Variants in NVL observed in about 807,000 individuals in gnomAD.
The protein encoded by NVL is nuclear VCP like.
Under a neutral mutation model 110.2 loss-of-function variants are expected in NVL, and 84 were observed. That is an observed-to-expected ratio of 0.76 (90% CI 0.64 to 0.91). The LOEUF is 0.91. Ranked by LOEUF, NVL falls within the 40% of genes least tolerant of loss-of-function variation. The probability of loss-of-function intolerance (pLI) is 0.00; values close to 1 mark genes in which losing one functional copy is unlikely to be tolerated. For synonymous variants in NVL, 354 were observed against 361.1 expected (o/e 0.98, Z 0.22); for missense variants, 882 against 1,035.9 (o/e 0.85, Z 2.04).
At chr1:224,267,758 AG>A (rs1352312953) in intron 18 of NVL, among the ~76,000 whole-genome samples, 2 of 151,990 alleles carry the variant, frequency 1.3e-5, no homozygotes, top group African/African-American at 2.4e-5. Flanking sequence ...GCACCGACAC[AG>A]AAAAGCAATC....
chr1:224,242,028 G>A (rs1000700606), intron 19 of NVL, among the ~76,000 whole-genome samples: 2 of 150,314 alleles, frequency 1.3e-5, no homozygotes, highest in South Asian at 2.1e-4. Context: ...CCAAAACTCC[G>A]TCTCAAAAAA....
intron 19 of NVL, among the ~76,000 whole-genome samples, chr1:224,248,780 G>C (rs1421039883): frequency 6.6e-6 from 1 of 152,172 alleles, no homozygotes; most frequent in Admixed American, 6.6e-5. Context: ...TTCCAAGCTG[G>C]AGACAAGCAG....
chr1:224,322,347 G>C (rs1670735017), intron 2 of NVL, among the ~76,000 whole-genome samples: 1 of 150,440 alleles, frequency 6.6e-6, no homozygotes, highest in Admixed American at 6.7e-5. Context: ...GCCTCTCTAA[G>C]TGCTGAAATT....
At chr1:224,299,628 C>T (rs987335205) in intron 10 of NVL, among the ~76,000 whole-genome samples, 1 of 152,198 alleles carries the variant, frequency 6.6e-6, no homozygotes, top group African/African-American at 2.4e-5. Flanking sequence ...AAATTTACTA[C>T]TTGTCTCTGG....
intron 17 of NVL, among the ~76,000 whole-genome samples, chr1:224,273,431 G>A (rs1053089595): frequency 1.9e-4 from 28 of 149,948 alleles, no homozygotes; most frequent in African/African-American, 6.2e-4. Context: ...AAAAAAAAAA[G>A]AAATGTACGG....
intron 15 of NVL, 129 bp from the exon 16 acceptor site, chr1:224,281,314 A>T (rs369996772): frequency 3.4e-4 from 143 of 426,816 alleles, no homozygotes; most frequent in Middle Eastern, 6.3e-4. Flanking sequence ...TGTGTGTGTG[A>T]GATTTAGATG....
intron 17 of NVL, among the ~76,000 whole-genome samples, chr1:224,273,865 T>C (rs1665449941): frequency 6.6e-6 from 1 of 152,156 alleles, no homozygotes; most frequent in Non-Finnish European, 1.5e-5. Flanking sequence ...GTAGTAAGAA[T>C]CTTCTATGAT....
rs150989288 is a variant in NVL at position 224,288,268 on chromosome 1, C to T, written c.1576-275G>A. 3.0e-3 allele frequency among the ~76,000 whole-genome samples: 461 copies of T among 152,168 alleles called. 4 individuals carry two copies. Among genetic ancestry groups the T allele is most frequent in the East Asian group, 0.013 (69 of 5,182 alleles). On this transcript the variant is annotated intron_variant, in intron 13 of 22. Transcript: ENST00000281701. ...TAGGGCTAGGTATAGCAAATATAAG[C>T]GTTGGCAAATATTCATTTCAGCAAC...
At chr1:224,267,096 C>T (rs1664568631) in intron 18 of NVL, among the ~76,000 whole-genome samples, 1 of 152,166 alleles carries the variant, frequency 6.6e-6, no homozygotes, top group South Asian at 2.1e-4. Flanking sequence ...AGTGGCCCCA[C>T]AGATAGCTTC....
chr1:224,317,957 C>G, intron 2 of NVL, 27 bp from the exon 3 acceptor site: 1 of 1,482,386 alleles, frequency 6.7e-7, no homozygotes, highest in South Asian at 1.2e-5. Context: ...AGAAGTTTAC[C>G]ATAGTAGTCT....
chr1:224,319,377 G>A (rs1252553893), intron 2 of NVL, among the ~76,000 whole-genome samples: 1 of 151,244 alleles, frequency 6.6e-6, no homozygotes, highest in Non-Finnish European at 1.5e-5. Flanking sequence ...GTGCAATCTC[G>A]GCTCACTGCA....
chr1:224,305,104 T>G lies in NVL; in HGVS notation c.678A>C (p.Lys226Asn), dbSNP rs376072933. 9.9e-6 allele frequency: 16 copies of G among 1,613,742 alleles called. No individual in the cohort carries two copies. Among genetic ancestry groups the G allele is most frequent in the African/African-American group, 1.3e-5 (1 of 74,940 alleles). The change falls in exon 7 of 23, where the codon AAA (lysine) becomes AAC (asparagine). Residue 226 changes from lysine to asparagine, a missense_variant. Lys to Asn is a moderately conservative substitution (Grantham distance 94, BLOSUM62 0). Around this residue, in one of 4 missense-constraint regions of NVL, gnomAD observed 274 missense variants for 268.4 expected, o/e 1.02. Transcript: ENST00000281701. ...GATCTTCTTTCTTCCTTTTGCTTCCTTTATTCTTTAGCTTGCCTTTCCGTT... is the reference window on the plus strand; with the variant it reads ...GATCTTCTTTCTTCCTTTTGCTTCCGTTATTCTTTAGCTTGCCTTTCCGTT... ...DMKRKGKLKN[K>N]GSKRKKEDLQ...
At chr1:224,257,506 TTTTGTTTGTCTGTTTG>T (rs755565812) in intron 18 of NVL, among the ~76,000 whole-genome samples, 5 of 39,820 alleles carry the variant, frequency 1.3e-4, no homozygotes, top group Non-Finnish European at 5.2e-4. Context: ...ACAAGTGGTT[TTTTGTTTGTCTGTTTG>T]TTTGTTTGTT....
At chr1:224,251,926 C>A (rs1044248602) in intron 18 of NVL, among the ~76,000 whole-genome samples, 1 of 152,164 alleles carries the variant, frequency 6.6e-6, no homozygotes, top group Non-Finnish European at 1.5e-5. Flanking sequence ...CTTTACAATG[C>A]CGCTAGTGTT....
intron 17 of NVL, among the ~76,000 whole-genome samples, chr1:224,268,508 G>A (rs977265478): frequency 2.0e-5 from 3 of 152,092 alleles, no homozygotes; most frequent in Non-Finnish European, 4.4e-5. Context: ...GCTAGCTTTC[G>A]TTTCTTTGGT....
At chr1:224,266,863 C>T (rs1336443527) in intron 18 of NVL, among the ~76,000 whole-genome samples, 2 of 152,226 alleles carry the variant, frequency 1.3e-5, no homozygotes, top group Non-Finnish European at 2.9e-5. Flanking sequence ...TTACCAACAT[C>T]ATTTAACTTT....
chr1:224,249,437 T>G (rs377219670), intron 19 of NVL, among the ~76,000 whole-genome samples: 21 of 152,122 alleles, frequency 1.4e-4, no homozygotes, highest in African/African-American at 5.1e-4. Context: ...ACTTATTTAT[T>G]TATTTTTAAA....
chr1:224,231,854 G>A (rs963094957), intron 21 of NVL, among the ~76,000 whole-genome samples: 3 of 151,280 alleles, frequency 2.0e-5, no homozygotes, highest in South Asian at 2.1e-4. Context: ...GTGAAATCCC[G>A]TCTCTACTAA....
At chr1:224,281,683 G>A (rs927044240) in intron 15 of NVL, among the ~76,000 whole-genome samples, 3 of 151,266 alleles carry the variant, frequency 2.0e-5, no homozygotes, top group African/African-American at 4.9e-5. Flanking sequence ...GGGTGGGTGC[G>A]GTGACTCGCC....
Sources: gnomAD v4.1 joint callset for allele counts (sites outside exome capture counted in the v4.1 genomes callset) on GRCh38, gnomAD v4.1.1 for gene constraint, gnomAD v4.1.1 regional missense constraint, MANE v1.5 for transcripts, NCBI Gene and HGNC (gene_info 2026-07-23, HGNC 2026-07-21) for gene names.